ZNF462: variants seen among roughly 807,000 people sequenced by gnomAD.
ZNF462 encodes the protein zinc finger protein 462.
A neutral mutation model predicts 201.9 loss-of-function variants in ZNF462; 10 were observed. That is an observed-to-expected ratio of 0.05 (90% CI 0.03 to 0.08). The LOEUF (loss-of-function observed/expected upper bound fraction) is 0.08. Among genes scored for constraint, ZNF462 ranks in the 10% least tolerant of loss-of-function variants. The pLI, the probability that ZNF462 is intolerant of heterozygous loss-of-function variation, is 1.00. For synonymous variants in ZNF462, 1,227 were observed against 1,193.3 expected (o/e 1.03, Z -0.58); for missense variants, 2,523 against 3,168.3 (o/e 0.80, Z 4.89).
At chr9:106,953,277 A>G (rs183136338) in intron 7 of ZNF462, among the ~76,000 whole-genome samples, 3 of 152,314 alleles carry the variant, frequency 2.0e-5, no homozygotes, top group East Asian at 3.9e-4. Context: ...TTCTCTGGGA[A>G]GGAGTCATTC....
At chr9:106,961,421 G>A (rs898812129) in intron 7 of ZNF462, among the ~76,000 whole-genome samples, 1 of 152,126 alleles carries the variant, frequency 6.6e-6, no homozygotes, top group Admixed American at 6.6e-5. Flanking sequence ...ACATGGTTCA[G>A]TGTTTCAGTG....
rs1166720930 is a variant in ZNF462 at position 106,938,394 on chromosome 9, G to A, written c.6236-522G>A. 6.6e-6 allele frequency among the ~76,000 whole-genome samples: 1 copy of A among 152,198 alleles called. No individual in the cohort carries two copies. The highest frequency in any genetic ancestry group is 1.9e-4 in the East Asian group (1 of 5,200). On this transcript the variant is annotated intron_variant, in intron 6 of 12. Coordinates refer to ENST00000277225, the MANE Select transcript of ZNF462 (RefSeq NM_021224.6). This position sits in a 1 kb window ranked among gnomAD's most constrained non-coding sequence, Gnocchi z 4.4. ...GTCCAAAAATATATATATGTGGGATGAGAATGTGTATAGTTAGCAAGGAAG... is the reference window on the plus strand; with the variant it reads ...GTCCAAAAATATATATATGTGGGATAAGAATGTGTATAGTTAGCAAGGAAG...
chr9:106,947,927 C>G (rs902419445), intron 7 of ZNF462, among the ~76,000 whole-genome samples: 6 of 152,072 alleles, frequency 3.9e-5, no homozygotes, highest in African/African-American at 1.4e-4. Context: ...ATATTTGGAG[C>G]TTAAGTTAAC....
At chr9:106,953,808 A>G (rs1037293452) in intron 7 of ZNF462, among the ~76,000 whole-genome samples, 2 of 152,144 alleles carry the variant, frequency 1.3e-5, no homozygotes, top group African/African-American at 4.8e-5. Context: ...CAAAGGTTCT[A>G]AAATGGAACT....
chr9:106,898,339 A>G (rs544805180), intron 1 of ZNF462, among the ~76,000 whole-genome samples: 2 of 152,204 alleles, frequency 1.3e-5, no homozygotes, highest in East Asian at 1.9e-4. Context: ...GGAAGGGTCT[A>G]CCCCAGCCTT....
intron 7 of ZNF462, among the ~76,000 whole-genome samples, chr9:106,951,081 C>T (rs1010352757): frequency 3.4e-5 from 5 of 147,780 alleles, no homozygotes; most frequent in African/African-American, 1.3e-4. Flanking sequence ...CAGAGTGAAA[C>T]TCCATCTCAA....
rs1483171063 is a variant in ZNF462, at chr9:106,938,999, G to A, written c.6319G>A (p.Gly2107Arg). Reference sequence around the variant, plus strand: ...GAAGGAACACTCCCTCAAGGTCCACGGAAAAGCCCTGACCCTCCCCAGGCC... The same window carrying A: ...GAAGGAACACTCCCTCAAGGTCCACAGAAAAGCCCTGACCCTCCCCAGGCC... The part of the protein sequence containing the change: ...QLKEHSLKVH[G>R]KALTLPRPRI... Residue 2107 changes from glycine to arginine, a missense_variant, in exon 7 of 13, where the codon GGA becomes AGA. Around this residue, in one of 15 missense-constraint regions of ZNF462, gnomAD observed 138 missense variants for 146.3 expected, o/e 0.94. Coordinates refer to ENST00000277225, the MANE Select transcript of ZNF462 (RefSeq NM_021224.6). The surrounding 1 kb of genome is among the most constrained non-coding windows in gnomAD (Gnocchi z 4.4). The A allele has an allele frequency of 3.1e-6, 5 of 1,613,832 alleles. No individual in the cohort carries two copies. The highest frequency in any genetic ancestry group is 1.1e-5 in the South Asian group (1 of 91,050).
intron 1 of ZNF462, among the ~76,000 whole-genome samples, chr9:106,900,657 T>G (rs2131177345): frequency 6.6e-6 from 1 of 152,350 alleles, no homozygotes; most frequent in African/African-American, 2.4e-5. Flanking sequence ...TGAGCATTTT[T>G]TCATGTTTGT....
rs78866096 is a variant in ZNF462 at position 106,948,843 on chromosome 9, T to C, written c.6427+9736T>C. ...ATATTGAGTACTTAAAGGTTTCAAATATATTTTTATGTATAATAAATTATA... is the reference window on the plus strand; with the variant it reads ...ATATTGAGTACTTAAAGGTTTCAAACATATTTTTATGTATAATAAATTATA... On this transcript the variant is annotated intron_variant, in intron 7 of 12. Coordinates refer to ENST00000277225, the MANE Select transcript of ZNF462 (RefSeq NM_021224.6). Among the ~76,000 whole-genome samples, 136 of 151,864 alleles carry C rather than the reference T, an allele frequency of 9.0e-4. 1 individual carries two copies. The East Asian group carries it at 0.023, about 26-fold the overall frequency.
At position 106,886,247 on chromosome 9, in the gene ZNF462, C is replaced by T. The variant is rs570419366; in HGVS notation, c.-31+22892C>T. ...TGGCTGGGATTGTTACCTCACTGGACCGCTCTTTAAACTTTCTCTGTCTTT... is the reference window on the plus strand; with the variant it reads ...TGGCTGGGATTGTTACCTCACTGGATCGCTCTTTAAACTTTCTCTGTCTTT... On this transcript the variant is annotated intron_variant, in intron 1 of 12. Coordinates refer to ENST00000277225, the MANE Select transcript of ZNF462 (RefSeq NM_021224.6). This position sits in a 1 kb window ranked among gnomAD's most constrained non-coding sequence, Gnocchi z 4.6. Among the ~76,000 whole-genome samples the T allele has an allele frequency of 2.0e-5, 3 of 152,266 alleles. No individual in the cohort carries two copies. In the South Asian group the frequency reaches 6.2e-4, roughly 32 times the overall value.
At chr9:106,906,246 T>A (rs1188746791) in intron 1 of ZNF462, among the ~76,000 whole-genome samples, 1 of 152,176 alleles carries the variant, frequency 6.6e-6, no homozygotes, top group Non-Finnish European at 1.5e-5. Context: ...ATTTGCAGTG[T>A]CTCCTGGGTC....
Position 107,009,267 on chromosome 9 carries a change from G to A in ZNF462, c.7190-278G>A, listed in dbSNP as rs1588212099. The A allele has an allele frequency of 5.0e-6, 2 of 396,706 alleles. No homozygotes were observed. The highest frequency in any genetic ancestry group is 2.0e-5 in the African/African-American group (1 of 50,082). The allele number at this position is 396,706 out of a possible 1,614,324, so 24.6% of individuals were successfully genotyped here. On this transcript the variant is annotated intron_variant, in intron 11 of 12. Coordinates refer to ENST00000277225, the MANE Select transcript of ZNF462 (RefSeq NM_021224.6). The surrounding 1 kb of genome is among the most constrained non-coding windows in gnomAD (Gnocchi z 6.1). ...GATTCCTTTGGAATCTCGGGCAAGCGGCTCTTCAGTCAAGAAAGACCCAGA... is the reference window on the plus strand; with the variant it reads ...GATTCCTTTGGAATCTCGGGCAAGCAGCTCTTCAGTCAAGAAAGACCCAGA...
At chr9:106,953,334 C>G (rs1270795337) in intron 7 of ZNF462, among the ~76,000 whole-genome samples, 4 of 152,170 alleles carry the variant, frequency 2.6e-5, no homozygotes, top group African/African-American at 9.6e-5. Flanking sequence ...CCCTCCCTCT[C>G]TCTGGAATTC....
In ZNF462 at chr9:106,929,216, G is replaced by C. The variant is rs755130063; in HGVS notation, c.5304G>C (p.Lys1768Asn). The change falls in exon 3 of 13, where the codon AAG becomes AAC. Residue 1768 changes from lysine to asparagine, a missense_variant. Coordinates refer to ENST00000277225, the MANE Select transcript of ZNF462 (RefSeq NM_021224.6). This position sits in a 1 kb window ranked among gnomAD's most constrained non-coding sequence, Gnocchi z 8.7. ...TCCGGCGGGCAGTGGAGAAGAAAAA[G>C]TGCTCCTTGTGCTCTTTCCAGTCGT... ...EELRRAVEKK[K>N]CSLCSFQSFS... is the part of the protein sequence containing the mutation. The C allele has an allele frequency of 6.2e-6, 10 of 1,614,188 alleles. No individual in the cohort carries two copies. The South Asian group carries it at 9.9e-5, about 16-fold the overall frequency.
Position 106,963,493 on chromosome 9 carries a change from G to T in ZNF462, c.6428-8512G>T, listed in dbSNP as rs550609043. Among the ~76,000 whole-genome samples the T allele has an allele frequency of 6.6e-6, 1 of 152,162 alleles. No individual in the cohort carries two copies. The highest frequency in any genetic ancestry group is 1.9e-4 in the East Asian group (1 of 5,168). On this transcript the variant is annotated intron_variant, in intron 7 of 12. Coordinates refer to ENST00000277225, the MANE Select transcript of ZNF462 (RefSeq NM_021224.6). The surrounding 1 kb of genome is among the most constrained non-coding windows in gnomAD (Gnocchi z 4.7). The stretch of plus-strand genomic sequence containing the variant: ...TGCTCCTGTGGAGCTGACATTACCT[G>T]CTTGGTTGTCATTTCAGATTGACAG...
In ZNF462 at chr9:106,974,483, A is replaced by C. The variant is rs562116439; in HGVS notation, c.6832+210A>C. On this transcript the variant is annotated intron_variant, in intron 9 of 12. Coordinates refer to ENST00000277225, the MANE Select transcript of ZNF462 (RefSeq NM_021224.6). This position sits in a 1 kb window ranked among gnomAD's most constrained non-coding sequence, Gnocchi z 4.0. ...GTATTTCCTCCACCTGGAGGGAGGC[A>C]AAGGTGATGGATTCTGCAGTGAACA... The C allele has an allele frequency of 1.5e-6, 1 of 683,908 alleles. No homozygotes were observed. Among genetic ancestry groups the C allele is most frequent in the African/African-American group, 1.8e-5 (1 of 56,292 alleles). 42.4% of individuals were successfully genotyped at this position (683,908 alleles called of 1,614,324 possible). A position where few individuals can be genotyped will look rare whatever the true frequency, so the allele number is the denominator to read the frequency against.
In ZNF462 at chr9:106,895,471, C is replaced by T. The variant is rs1181798913; in HGVS notation, c.-30-27883C>T. Among the ~76,000 whole-genome samples the T allele has an allele frequency of 6.6e-6, 1 of 152,166 alleles. No individual in the cohort carries two copies. The highest frequency in any genetic ancestry group is 1.5e-5 in the Non-Finnish European group (1 of 68,026). On this transcript the variant is annotated intron_variant, in intron 1 of 12. Transcript: ENST00000277225. This position sits in a 1 kb window ranked among gnomAD's most constrained non-coding sequence, Gnocchi z 4.4. ...GCAGCCTGTTTCCCACCATCCTCTT[C>T]ACCTCTAGGAGTCCCTCATGATGCT...
At chr9:106,897,701 G>A (rs1368838029) in intron 1 of ZNF462, among the ~76,000 whole-genome samples, 1 of 152,206 alleles carries the variant, frequency 6.6e-6, no homozygotes, top group African/African-American at 2.4e-5. Flanking sequence ...ACAAGGATAT[G>A]AGAAAAGGAA....
intron 7 of ZNF462, among the ~76,000 whole-genome samples, chr9:106,945,950 C>T (rs923579026): frequency 2.0e-5 from 3 of 152,182 alleles, no homozygotes; most frequent in Non-Finnish European, 4.4e-5. Context: ...CCCAAGATAC[C>T]AACCTGCCTG....
Sources: gnomAD v4.1 joint callset for allele counts (sites outside exome capture counted in the v4.1 genomes callset) on GRCh38, gnomAD v4.1.1 for gene constraint, gnomAD v4.1.1 regional missense constraint, Gnocchi (gnomAD v3.1) non-coding constraint, MANE v1.5 for transcripts, NCBI Gene and HGNC (gene_info 2026-07-23, HGNC 2026-07-21) for gene names.